Variants in RAPGEF4 observed in about 807,000 individuals in gnomAD.
The protein encoded by RAPGEF4 is Rap guanine nucleotide exchange factor 4, also known as RAP guanine-nucleotide-exchange factor (GEF) 4.
Under a neutral mutation model 147.9 loss-of-function variants are expected in RAPGEF4, and 66 were observed. The ratio of observed to expected loss-of-function variants is 0.45; its 90% confidence interval spans 0.37 to 0.55. The LOEUF (loss-of-function observed/expected upper bound fraction) is 0.55. RAPGEF4 is among the 20% of genes least tolerant of loss of function. The pLI is 0.00. For synonymous variants in RAPGEF4, 419 were observed against 442.7 expected (o/e 0.95, Z 0.67); for missense variants, 1,071 against 1,257.3 (o/e 0.85, Z 2.24).
At chr2:173,033,589 G>C (rs758825787) in intron 26 of RAPGEF4, among the ~76,000 whole-genome samples, 5 of 152,108 alleles carry the variant, frequency 3.3e-5, no homozygotes, top group Admixed American at 6.6e-5. Context: ...TAAAAAGTGT[G>C]GGGGGAGGTA....
intron 4 of RAPGEF4, among the ~76,000 whole-genome samples, chr2:172,911,039 G>A (rs1443248535): frequency 1.3e-5 from 2 of 152,156 alleles, no homozygotes; most frequent in African/African-American, 4.8e-5. Context: ...CCACTGTCTG[G>A]CCACGACAGT....
chr2:173,048,509 C>T, intron 29 of RAPGEF4, 91 bp from the exon 30 acceptor site: 1 of 1,564,920 alleles, frequency 6.4e-7, no homozygotes, highest in Non-Finnish European at 8.7e-7. Flanking sequence ...CTCATGGTAC[C>T]AAGTATTGCA....
At chr2:172,816,162 C>A (rs1192218991) in intron 4 of RAPGEF4, among the ~76,000 whole-genome samples, 1 of 152,046 alleles carries the variant, frequency 6.6e-6, no homozygotes, top group Non-Finnish European at 1.5e-5. Context: ...TTTCAAATGT[C>A]CTTAATTGTC....
At chr2:172,783,770 G>A (rs528939328) in intron 1 of RAPGEF4, among the ~76,000 whole-genome samples, 3 of 144,548 alleles carry the variant, frequency 2.1e-5, no homozygotes, top group Non-Finnish European at 4.5e-5. Context: ...TTGTGTGTAT[G>A]TGTGAGTGTG....
chr2:173,043,062 G>A (rs1411309479), intron 29 of RAPGEF4, among the ~76,000 whole-genome samples: 1 of 152,084 alleles, frequency 6.6e-6, no homozygotes, highest in East Asian at 1.9e-4. Context: ...TGCTATCACA[G>A]GCACAATCTT....
At chr2:172,891,731 A>G (rs571652391) in intron 4 of RAPGEF4, among the ~76,000 whole-genome samples, 1 of 152,348 alleles carries the variant, frequency 6.6e-6, no homozygotes, top group East Asian at 1.9e-4. Flanking sequence ...CAGTGACAGA[A>G]TGGGACTTGG....
At chr2:173,011,883 T>C (rs899121570) in intron 17 of RAPGEF4, among the ~76,000 whole-genome samples, 2 of 151,484 alleles carry the variant, frequency 1.3e-5, no homozygotes, top group African/African-American at 2.4e-5. Flanking sequence ...AGCACCTTAA[T>C]TGTCCTATCT....
intron 4 of RAPGEF4, among the ~76,000 whole-genome samples, chr2:172,831,863 A>G (rs187526235): frequency 6.6e-6 from 1 of 152,280 alleles, no homozygotes; most frequent in East Asian, 1.9e-4. Flanking sequence ...TCCTGAGTTG[A>G]TATGTGTGCA....
chr2:172,986,158 A>G (rs900628593), intron 12 of RAPGEF4, among the ~76,000 whole-genome samples: 2 of 152,250 alleles, frequency 1.3e-5, no homozygotes, highest in African/African-American at 4.8e-5. Context: ...TTAGTGATCT[A>G]CTAAGGTCAG....
chr2:172,810,934 GT>G (rs1185093160), intron 3 of RAPGEF4, among the ~76,000 whole-genome samples: 2 of 152,192 alleles, frequency 1.3e-5, no homozygotes, highest in East Asian at 3.9e-4. Context: ...GCTACAAGTG[GT>G]TTTTTAGAGA....
intron 6 of RAPGEF4, among the ~76,000 whole-genome samples, chr2:172,955,189 G>A (rs572617292): frequency 6.6e-6 from 1 of 152,294 alleles, no homozygotes; most frequent in South Asian, 2.1e-4. Context: ...ATGGTCTTTC[G>A]TGAGGCCTAT....
chr2:172,768,920 G>A (rs935242552), intron 1 of RAPGEF4, among the ~76,000 whole-genome samples: 6 of 152,188 alleles, frequency 3.9e-5, no homozygotes, highest in Admixed American at 6.5e-5. Context: ...ACAGCTCTCC[G>A]TGTACTCTCA....
At position 172,925,777 on chromosome 2, in the gene RAPGEF4, A is replaced by AAGAGAGAGAGAG. The variant is rs67773579; in HGVS notation, c.537+3487_537+3498dup. Among the ~76,000 whole-genome samples, 578 of 133,886 alleles carry AAGAGAGAGAGAG rather than the reference A, an allele frequency of 4.3e-3. 10 individuals are homozygous for AAGAGAGAGAGAG. The highest frequency in any genetic ancestry group is 0.02 in the Admixed American group (240 of 12,008). The allele number at this position is 133,886 out of a possible 152,430, so 87.8% of individuals were successfully genotyped here. On this transcript the variant is annotated intron_variant, in intron 6 of 30. Coordinates refer to ENST00000397081, the MANE Select transcript of RAPGEF4 (RefSeq NM_007023.4). ...AAAGAGAGAAAGGAAGAAAGAAAGAAAGAGAGAGAGAGAGAGAGAGAAAGA... is the reference window on the plus strand; with the variant it reads ...AAAGAGAGAAAGGAAGAAAGAAAGAAAGAGAGAGAGAGAGAGAGAGAGAGAGAGAGAGAAAGA...
At chr2:172,771,735 G>A (rs542697628) in intron 1 of RAPGEF4, among the ~76,000 whole-genome samples, 24 of 152,036 alleles carry the variant, frequency 1.6e-4, no homozygotes, top group African/African-American at 4.8e-4. Flanking sequence ...GTACACCACC[G>A]TTCCTGGCTT....
intron 29 of RAPGEF4, among the ~76,000 whole-genome samples, chr2:173,044,640 G>T: frequency 6.6e-6 from 1 of 152,040 alleles, no homozygotes; most frequent in East Asian, 1.9e-4. Flanking sequence ...ATTCATTTTT[G>T]CACATAAGCT....
At chr2:173,011,561 T>TC (rs1037630151) in intron 17 of RAPGEF4, among the ~76,000 whole-genome samples, 4 of 151,862 alleles carry the variant, frequency 2.6e-5, no homozygotes, top group African/African-American at 7.3e-5. Flanking sequence ...TCTCTCTCTC[T>TC]CCCCCCACTC....
intron 1 of RAPGEF4, among the ~76,000 whole-genome samples, chr2:172,769,263 C>A (rs1219494548): frequency 6.6e-6 from 1 of 152,034 alleles, no homozygotes; most frequent in African/African-American, 2.4e-5. Context: ...ATGGGAGTCA[C>A]GAAAAGTATG....
At chr2:172,784,529 A>G (rs1685006145) in intron 1 of RAPGEF4, among the ~76,000 whole-genome samples, 1 of 151,916 alleles carries the variant, frequency 6.6e-6, no homozygotes, top group South Asian at 2.1e-4. Flanking sequence ...AAAAAAAAAA[A>G]AGATCCCTGA....
intron 4 of RAPGEF4, among the ~76,000 whole-genome samples, chr2:172,838,758 A>C (rs1370012728): frequency 6.6e-6 from 1 of 152,170 alleles, no homozygotes; most frequent in Admixed American, 6.5e-5. Flanking sequence ...TACACATGTG[A>C]AAATTTATCT....
Sources: allele counts gnomAD v4.1 joint callset (sites outside exome capture counted in the v4.1 genomes callset), GRCh38; gene constraint gnomAD v4.1.1; transcripts MANE v1.5; gene names NCBI Gene and HGNC (gene_info 2026-07-23, HGNC 2026-07-21).